ZDHHC17: variants seen among roughly 807,000 people sequenced by gnomAD.
ZDHHC17 encodes zDHHC palmitoyltransferase 17.
Under a neutral mutation model 90.3 loss-of-function variants are expected in ZDHHC17, and 40 were observed. The observed-to-expected ratio is 0.44, with a 90% confidence interval of 0.34 to 0.58. The LOEUF (loss-of-function observed/expected upper bound fraction) is 0.58, where lower values mean the gene tolerates loss of function less well. Among genes scored for constraint, ZDHHC17 ranks in the 20% least tolerant of loss-of-function variants. The probability of loss-of-function intolerance (pLI) is 0.01; values close to 1 mark genes in which losing one functional copy is unlikely to be tolerated. For missense variants in ZDHHC17, 614 were observed against 780.8 expected, an observed-to-expected ratio of 0.79 and a Z score of 2.55; for synonymous variants, 235 against 252.4, an observed-to-expected ratio of 0.93 and a Z score of 0.65.
chr12:76,852,236 A>G lies in ZDHHC17; in HGVS notation c.*1251A>G, dbSNP rs1190497862. 1 of 152,590 alleles carries G rather than the reference A, an allele frequency of 6.6e-6. No homozygotes were observed. Among genetic ancestry groups the G allele is most frequent in the Non-Finnish European group, 1.5e-5 (1 of 68,026 alleles). 9.5% of individuals were successfully genotyped at this position (152,590 alleles called of 1,614,324 possible). A position where few individuals can be genotyped will look rare whatever the true frequency, so the allele number is the denominator to read the frequency against. ...TTACAGGGTGAGATTTGGTTTATTC[A>G]TCTTAAGTGCTGTAGCAAACTGTGG... On this transcript the variant is annotated 3_prime_UTR_variant, in exon 17 of 17. Transcript: ENST00000426126.
rs1279664187 is a variant in ZDHHC17 at position 76,852,929 on chromosome 12, T to TA, written c.*1948dup. On this transcript the variant is annotated 3_prime_UTR_variant, in exon 17 of 17. Transcript: ENST00000426126. ...TAATTTTTAAATTCAAAGTTATTTA[T>TA]AAAATGCTAGAATTTGTTTTAATTT... 1 of 152,658 alleles carries TA rather than the reference T, an allele frequency of 6.6e-6. No individual in the cohort carries two copies. The highest frequency in any genetic ancestry group is 1.5e-5 in the Non-Finnish European group (1 of 68,030). The allele number at this position is 152,658 out of a possible 1,614,324, so 9.5% of individuals were successfully genotyped here.
intron 1 of ZDHHC17, among the ~76,000 whole-genome samples, chr12:76,786,121 TC>T (rs1952682481): frequency 7.8e-6 from 1 of 127,738 alleles, no homozygotes. Context: ...TTTCTTTCTT[TC>T]TTTTTTTTTT....
intron 3 of ZDHHC17, among the ~76,000 whole-genome samples, chr12:76,805,998 G>A (rs1282056383): frequency 6.6e-6 from 1 of 152,028 alleles, no homozygotes; most frequent in Non-Finnish European, 1.5e-5. Context: ...GTATTAATAA[G>A]AAATAGTTAG....
At chr12:76,834,940 G>A (rs951407883) in intron 10 of ZDHHC17, among the ~76,000 whole-genome samples, 2 of 151,914 alleles carry the variant, frequency 1.3e-5, no homozygotes, top group Non-Finnish European at 2.9e-5. Flanking sequence ...TTGGAGCAGG[G>A]TAATTTTTCC....
chr12:76,834,615 T>C (rs1225730723), intron 10 of ZDHHC17, among the ~76,000 whole-genome samples: 2 of 152,216 alleles, frequency 1.3e-5, no homozygotes, highest in African/African-American at 4.8e-5. Flanking sequence ...ATCACCACTT[T>C]TCATGAATTT....
At chr12:76,779,083 C>G (rs1952595054) in intron 1 of ZDHHC17, among the ~76,000 whole-genome samples, 1 of 152,170 alleles carries the variant, frequency 6.6e-6, no homozygotes, top group South Asian at 2.1e-4. Context: ...TTCTGAGGTA[C>G]AGGGGTTAGA....
intron 1 of ZDHHC17, among the ~76,000 whole-genome samples, chr12:76,767,974 A>G (rs1009977957): frequency 2.0e-5 from 3 of 151,926 alleles, no homozygotes; most frequent in African/African-American, 7.2e-5. Flanking sequence ...GCTTACTGTT[A>G]TCATGGTCAA....
chr12:76,797,362 C>T lies in ZDHHC17; in HGVS notation c.94-72C>T, dbSNP rs1849031728. ...TTTCTCAAACAACACAAAAGCACTACTATAAAATATAGAAATATTTTCTGT... is the reference window on the plus strand; with the variant it reads ...TTTCTCAAACAACACAAAAGCACTATTATAAAATATAGAAATATTTTCTGT... On this transcript the variant is annotated intron_variant, in intron 1 of 16. Transcript: ENST00000426126. 28 of 1,054,056 alleles carry T rather than the reference C, an allele frequency of 2.7e-5. 1 individual carries two copies. The South Asian group carries it at 4.7e-4, about 18-fold the overall frequency. 65.3% of individuals were successfully genotyped at this position (1,054,056 alleles called of 1,614,324 possible). A position where few individuals can be genotyped will look rare whatever the true frequency, so the allele number is the denominator to read the frequency against.
At position 76,815,216 on chromosome 12, in the gene ZDHHC17, T is replaced by C; in HGVS notation, c.608+6T>C. ...GCAGCATATAGAACACATAGGTATGTAATGACTATAAAAAACTTATTTAGG... is the reference window on the plus strand; with the variant it reads ...GCAGCATATAGAACACATAGGTATGCAATGACTATAAAAAACTTATTTAGG... On this transcript the variant is annotated splice_donor_region_variant and intron_variant, in intron 6 of 16. Transcript: ENST00000426126. The C allele has an allele frequency of 6.5e-7, 1 of 1,542,642 alleles. No individual in the cohort carries two copies. Among genetic ancestry groups the C allele is most frequent in the Non-Finnish European group, 8.8e-7 (1 of 1,141,370 alleles).
At chr12:76,821,451 C>A (rs1453359063) in intron 7 of ZDHHC17, among the ~76,000 whole-genome samples, 13 of 151,996 alleles carry the variant, frequency 8.6e-5, no homozygotes, top group Middle Eastern at 3.2e-3. Flanking sequence ...AATCATCCCT[C>A]ATAAATAAGG....
rs751640681 is a variant in ZDHHC17, at chr12:76,809,831, G to T, written c.517G>T (p.Val173Phe). 1 of 1,611,272 alleles carries T rather than the reference G, an allele frequency of 6.2e-7. No homozygotes were observed. The highest frequency in any genetic ancestry group is 8.5e-7 in the Non-Finnish European group (1 of 1,178,698). The change falls in exon 5 of 17, where the codon GTT becomes TTT. Residue 173 changes from valine to phenylalanine, a missense_variant. Physicochemically the swap from Val to Phe is conservative, Grantham distance 50. Coordinates refer to ENST00000426126, the MANE Select transcript of ZDHHC17 (RefSeq NM_015336.4). Reference protein sequence around the residue: ...LAAQFGHTSIVAYLIAKGQDV... With the variant: ...LAAQFGHTSIFAYLIAKGQDV... ...TGCTCAGTTCGGACATACCTCAATT[G>T]TTGCTTATCTCATAGCAAAAGGACA...
At chr12:76,771,446 T>C (rs1365785412) in intron 1 of ZDHHC17, among the ~76,000 whole-genome samples, 1 of 152,198 alleles carries the variant, frequency 6.6e-6, no homozygotes, top group African/African-American at 2.4e-5. Context: ...TAGAACATTA[T>C]AGTGTCCTAG....
intron 4 of ZDHHC17, 140 bp downstream of exon 4, chr12:76,809,260 A>G (rs1285556929): frequency 1.9e-6 from 1 of 530,754 alleles, no homozygotes. Context: ...CTGATGTTTT[A>G]TTGTGAAATA....
At chr12:76,772,504 C>T (rs1200975347) in intron 1 of ZDHHC17, among the ~76,000 whole-genome samples, 1 of 149,118 alleles carries the variant, frequency 6.7e-6, no homozygotes, top group Admixed American at 6.7e-5. Flanking sequence ...GCTCACTCTT[C>T]GTGTTGTGTA....
At chr12:76,836,413 T>A (rs1246871881) in intron 10 of ZDHHC17, among the ~76,000 whole-genome samples, 3 of 152,072 alleles carry the variant, frequency 2.0e-5, no homozygotes, top group Non-Finnish European at 4.4e-5. Context: ...CTTGTTTTTT[T>A]AAACTCAGCT....
intron 14 of ZDHHC17, 127 bp from the exon 15 acceptor site, chr12:76,848,106 C>A: frequency 2.3e-6 from 2 of 875,002 alleles, no homozygotes; most frequent in Non-Finnish European, 3.4e-6. Flanking sequence ...AAGACATTTG[C>A]TATTGAATGT....
chr12:76,823,546 A>G (rs962022644), intron 8 of ZDHHC17, among the ~76,000 whole-genome samples: 6 of 152,248 alleles, frequency 3.9e-5, no homozygotes, highest in African/African-American at 1.4e-4. Context: ...GATGTCTGCT[A>G]ACTTGTCAGT....
Position 76,850,947 on chromosome 12 carries a change from T to C in ZDHHC17, c.1861T>C (p.Tyr621His). 6.2e-7 allele frequency: 1 copy of C among 1,613,886 alleles called. No homozygotes were observed. Among genetic ancestry groups the C allele is most frequent in the Non-Finnish European group, 8.5e-7 (1 of 1,179,846 alleles). Residue 621 changes from tyrosine (Y) to histidine (H), a missense_variant, in exon 17 of 17, where the codon TAT (tyrosine) becomes CAT (histidine). Physicochemically the swap from Tyr to His is moderately conservative, Grantham distance 83 (BLOSUM62 2). Coordinates refer to ENST00000426126, the MANE Select transcript of ZDHHC17 (RefSeq NM_015336.4). ...CTGGACCAGGCAGTATACAATAGAA[T>C]ATGACCAAATATCAGGATCTGGGTA... Reference protein sequence around the residue: ...VDWTRQYTIEYDQISGSGYQL... With the variant: ...VDWTRQYTIEHDQISGSGYQL...
chr12:76,809,250 C>A, intron 4 of ZDHHC17, 130 bp downstream of exon 4: 1 of 555,730 alleles, frequency 1.8e-6, no homozygotes, highest in Non-Finnish European at 2.8e-6. Context: ...CATAAATATG[C>A]TGATGTTTTA....
Sources: allele counts gnomAD v4.1 joint callset (sites outside exome capture counted in the v4.1 genomes callset), GRCh38; gene constraint gnomAD v4.1.1; transcripts MANE v1.5; gene names NCBI Gene and HGNC (gene_info 2026-07-23, HGNC 2026-07-21).